The following COL11A1 variants were observed in gnomAD, a reference collection of about 807,000 sequenced individuals.
COL11A1 encodes the protein collagen type XI alpha 1 chain.
In COL11A1, 74 loss-of-function variants were observed where a neutral mutation model predicts 265.2. The observed-to-expected ratio is 0.28, with a 90% CI of 0.23 to 0.34. The LOEUF is 0.34. COL11A1 is among the 10% of genes least tolerant of loss of function. The pLI is 1.00. For missense variants in COL11A1, 2,165 were observed against 2,263.6 expected, an observed-to-expected ratio of 0.96 and a Z score of 0.88; for synonymous variants, 816 against 727.6, an observed-to-expected ratio of 1.12 and a Z score of -1.96.
chr1:102,999,699 T>C (rs1664941035), intron 24 of COL11A1, among the ~76,000 whole-genome samples: 1 of 151,866 alleles, frequency 6.6e-6, no homozygotes, highest in African/African-American at 2.4e-5. Flanking sequence ...TCTTGGATTG[T>C]AAAAACATAT....
intron 42 of COL11A1, among the ~76,000 whole-genome samples, chr1:102,943,006 G>A (rs1157694142): frequency 6.6e-6 from 1 of 151,924 alleles, no homozygotes; most frequent in East Asian, 1.9e-4. Context: ...TAAATGATAG[G>A]GGTAGCTCCC....
chr1:103,084,370 T>A (rs890022559), intron 1 of COL11A1, among the ~76,000 whole-genome samples: 14 of 152,258 alleles, frequency 9.2e-5, no homozygotes, highest in Admixed American at 5.2e-4. Context: ...CACTCCCACA[T>A]ATATGCCTAA....
In COL11A1 at chr1:103,025,484, A is replaced by G; in HGVS notation, c.990+37T>C. ...ATCAAAATAAATTACATATTTAAAA[A>G]GTGGGACTGTGATTTAATACTGTCT... is the stretch of plus-strand genomic sequence containing the variant. On this transcript the variant is annotated intron_variant, in intron 7 of 66. Transcript: ENST00000370096. The G allele has an allele frequency of 1.5e-6, 2 of 1,345,846 alleles. 1 individual carries two copies. The highest frequency in any genetic ancestry group is 2.3e-5 in the South Asian group (2 of 85,522). 83.4% of individuals were successfully genotyped at this position (1,345,846 alleles called of 1,614,324 possible). A position where few individuals can be genotyped will look rare whatever the true frequency, so the allele number is the denominator to read the frequency against.
At chr1:103,027,991 C>T (rs1334827560) in intron 5 of COL11A1, among the ~76,000 whole-genome samples, 2 of 151,960 alleles carry the variant, frequency 1.3e-5, no homozygotes, top group East Asian at 3.9e-4. Context: ...CTAGACACTA[C>T]AGCACATCTT....
intron 57 of COL11A1, among the ~76,000 whole-genome samples, chr1:102,896,512 T>G (rs1652447356): frequency 6.6e-6 from 1 of 152,150 alleles, no homozygotes. Flanking sequence ...TAATTAAAGC[T>G]ATGAAAAAAC....
At chr1:102,935,031 A>C (rs753159128) in intron 45 of COL11A1, 29 bp downstream of exon 45, 1 of 1,609,968 alleles carries the variant, frequency 6.2e-7, no homozygotes, top group Non-Finnish European at 8.5e-7. Flanking sequence ...GTAAGGATTT[A>C]GATTTGCTGA....
intron 7 of COL11A1, 101 bp from the exon 8 acceptor site, chr1:103,023,097 G>A (rs757168664): frequency 5.7e-5 from 72 of 1,268,130 alleles, no homozygotes; most frequent in Non-Finnish European, 7.4e-5. Flanking sequence ...GATGGGATGC[G>A]ATTTTGTTAC....
At chr1:103,046,014 A>C (rs945001594) in intron 4 of COL11A1, among the ~76,000 whole-genome samples, 10 of 151,178 alleles carry the variant, frequency 6.6e-5, no homozygotes, top group Admixed American at 1.3e-4. Flanking sequence ...AATCCAGTCT[A>C]TCGTTGTTGG....
chr1:102,995,321 T>G (rs540481179), intron 28 of COL11A1, among the ~76,000 whole-genome samples: 1 of 152,240 alleles, frequency 6.6e-6, no homozygotes, highest in Admixed American at 6.6e-5. Context: ...TAGTTTTAGG[T>G]ACATTTTTTC....
chr1:102,890,471 G>A lies in COL11A1; in HGVS notation c.4336C>T (p.Pro1446Ser), dbSNP rs975763978. The change falls in exon 58 of 67, where the codon CCT (proline) becomes TCT (serine). Residue 1446 changes from proline to serine, a missense_variant. By Grantham distance (74) the Pro-to-Ser change is moderately conservative. Coordinates refer to ENST00000370096, the MANE Select transcript of COL11A1 (RefSeq NM_001854.4). ...PPGLPGLKGD[P>S]GSKGEKGHPG... is the part of the protein sequence containing the mutation. ...CTCACCTTTTCACCCTTGGAGCCAG[G>A]GTCACCTTTGAGACCAGGTAAGCCA... The A allele has an allele frequency of 6.2e-6, 10 of 1,608,588 alleles. No individual in the cohort carries two copies. Among genetic ancestry groups the A allele is most frequent in the African/African-American group, 4.0e-5 (3 of 74,444 alleles).
intron 9 of COL11A1, among the ~76,000 whole-genome samples, chr1:103,019,897 G>A (rs1666873314): frequency 6.7e-6 from 1 of 149,364 alleles, no homozygotes; most frequent in Non-Finnish European, 1.5e-5. Context: ...TTTCATCCAT[G>A]TCCCTACAAA....
At chr1:102,920,197 T>C (rs1407100360) in intron 49 of COL11A1, 114 bp downstream of exon 49, 1 of 968,544 alleles carries the variant, frequency 1.0e-6, no homozygotes, top group South Asian at 1.3e-5. Flanking sequence ...GTGAATCATA[T>C]AACTATGTAA....
At chr1:103,024,487 ACT>A (rs1667364131) in intron 7 of COL11A1, among the ~76,000 whole-genome samples, 2 of 152,180 alleles carry the variant, frequency 1.3e-5, no homozygotes, top group Admixed American at 1.3e-4. Flanking sequence ...GTAATTTTTC[ACT>A]AAAATTAAAT....
intron 4 of COL11A1, among the ~76,000 whole-genome samples, chr1:103,041,274 C>A (rs2102051941): frequency 6.6e-6 from 1 of 151,934 alleles, no homozygotes; most frequent in Non-Finnish European, 1.5e-5. Context: ...ACTATTTTCA[C>A]TATTTCATAA....
At chr1:103,065,809 T>A (rs1671093223) in intron 4 of COL11A1, among the ~76,000 whole-genome samples, 1 of 151,930 alleles carries the variant, frequency 6.6e-6, no homozygotes, top group African/African-American at 2.4e-5. Flanking sequence ...AGATGCTTAA[T>A]AAACCCGAAA....
chr1:102,948,757 T>A (rs1183333764), intron 41 of COL11A1, among the ~76,000 whole-genome samples: 1 of 151,178 alleles, frequency 6.6e-6, no homozygotes, highest in Non-Finnish European at 1.5e-5. Context: ...TTTTTTAATT[T>A]AATAATATTA....
Position 102,978,866 on chromosome 1 carries a change from C to T in COL11A1, c.2703G>A (p.Gly901=), listed in dbSNP as rs1033410443. 6.2e-7 allele frequency: 1 copy of T among 1,614,068 alleles called. No individual in the cohort carries two copies. Residue 901 remains glycine, a synonymous_variant, in exon 34 of 67, where the codon GGG becomes GGA. Transcript: ENST00000370096. Reference sequence around the variant, plus strand: ...GAAAAAGTACAGGTGATACCTTTGGCCCAGGTTTCCCAGTGGGACCTCTTG... The same window carrying T: ...GAAAAAGTACAGGTGATACCTTTGGTCCAGGTTTCCCAGTGGGACCTCTTG... The part of the protein sequence containing the change: ...RGARGPTGKP[G]PKGTSGGDGP...
chr1:102,897,790 G>T (rs1652624277), intron 57 of COL11A1, among the ~76,000 whole-genome samples: 1 of 152,116 alleles, frequency 6.6e-6, no homozygotes, highest in African/African-American at 2.4e-5. Flanking sequence ...TTTTTAAAGT[G>T]AAATGCCAGG....
intron 54 of COL11A1, among the ~76,000 whole-genome samples, chr1:102,909,431 C>A (rs1395875220): frequency 6.6e-6 from 1 of 152,060 alleles, no homozygotes; most frequent in African/African-American, 2.4e-5. Context: ...CTCAGGTATT[C>A]TTTTATAGCA....
Sources: gnomAD v4.1 joint callset for allele counts (sites outside exome capture counted in the v4.1 genomes callset) on GRCh38, gnomAD v4.1.1 for gene constraint, MANE v1.5 for transcripts, NCBI Gene and HGNC (gene_info 2026-07-23, HGNC 2026-07-21) for gene names.